TGFBR2: variants seen among roughly 807,000 people sequenced by gnomAD.
TGFBR2 encodes transforming growth factor beta receptor 2, also known as TGF-beta receptor type-2.
A neutral mutation model predicts 49.0 loss-of-function variants in TGFBR2; 18 were observed. That is an observed-to-expected ratio of 0.37 (90% CI 0.25 to 0.54). The LOEUF is 0.54. TGFBR2 is among the 20% of genes least tolerant of loss of function. The pLI is 0.85. For synonymous variants in TGFBR2, 282 were observed against 275.9 expected, an observed-to-expected ratio of 1.02 and a Z score of -0.22; for missense variants, 525 against 722.6, an observed-to-expected ratio of 0.73 and a Z score of 3.13.
chr3:30,629,633 C>T (rs1195460346), intron 1 of TGFBR2, among the ~76,000 whole-genome samples: 1 of 152,114 alleles, frequency 6.6e-6, no homozygotes, highest in Non-Finnish European at 1.5e-5. Flanking sequence ...TGAAACTTGG[C>T]TTTGGAGGAC....
In TGFBR2 at chr3:30,691,513, G is replaced by A. The variant is rs1699709688; in HGVS notation, c.1618G>A (p.Glu540Lys). The A allele has an allele frequency of 6.2e-7, 1 of 1,614,142 alleles. No homozygotes were observed. The highest frequency in any genetic ancestry group is 8.5e-7 in the Non-Finnish European group (1 of 1,179,998). ...CCAGTGTGTGGCAGAACGCTTCAGT[G>A]AGCTGGAGCATCTGGACAGGCTCTC... The part of the protein sequence containing the change: ...TAQCVAERFS[E>K]LEHLDRLSGR... Residue 540 changes from glutamate to lysine, a missense_variant, in exon 7 of 7, where the codon GAG becomes AAG. Glu to Lys is a moderately conservative substitution (Grantham distance 56). Around this residue, in one of 3 missense-constraint regions of TGFBR2, gnomAD observed 104 missense variants for 133.4 expected, o/e 0.78. Transcript: ENST00000295754.
chr3:30,638,076 A>C (rs776377132), intron 1 of TGFBR2, among the ~76,000 whole-genome samples: 3 of 152,238 alleles, frequency 2.0e-5, no homozygotes, highest in Non-Finnish European at 4.4e-5. Context: ...ACTTGTTAGC[A>C]ATGAGGTTGA....
chr3:30,608,966 A>C (rs537250094), intron 1 of TGFBR2, among the ~76,000 whole-genome samples: 8 of 152,356 alleles, frequency 5.3e-5, no homozygotes, highest in Middle Eastern at 3.4e-3. Flanking sequence ...TGATGTTGTT[A>C]GTTAGGTTCT....
chr3:30,624,856 A>AT (rs1449199179), intron 1 of TGFBR2, among the ~76,000 whole-genome samples: 2 of 151,646 alleles, frequency 1.3e-5, no homozygotes, highest in African/African-American at 4.8e-5. Flanking sequence ...CTTCAGGGTG[A>AT]TTTTTCCAGT....
chr3:30,671,823 G>A lies in TGFBR2; in HGVS notation c.640G>A (p.Glu214Lys), dbSNP rs764821003. The change falls in exon 4 of 7, where the codon GAG becomes AAG. Residue 214 changes from glutamate (E) to lysine (K), a missense_variant. Glu to Lys is a moderately conservative substitution (Grantham distance 56). Coordinates refer to ENST00000295754, the MANE Select transcript of TGFBR2 (RefSeq NM_003242.6). ...GACGCGGAAGCTCATGGAGTTCAGCGAGCACTGTGCCATCATCCTGGAAGA... is the reference window on the plus strand; with the variant it reads ...GACGCGGAAGCTCATGGAGTTCAGCAAGCACTGTGCCATCATCCTGGAAGA... ...GKTRKLMEFS[E>K]HCAIILEDDR... 2.5e-6 allele frequency: 4 copies of A among 1,614,070 alleles called. No homozygotes were observed. Among genetic ancestry groups the A allele is most frequent in the East Asian group, 2.2e-5 (1 of 44,884 alleles).
At chr3:30,647,049 G>C (rs1264958024) in intron 2 of TGFBR2, among the ~76,000 whole-genome samples, 1 of 152,104 alleles carries the variant, frequency 6.6e-6, no homozygotes. Context: ...AATGAGAAGG[G>C]GAAGTATAGG....
Position 30,693,871 on chromosome 3 carries a change from G to A in TGFBR2, c.*2272G>A. On this transcript the variant is annotated 3_prime_UTR_variant, in exon 7 of 7. Coordinates refer to ENST00000295754, the MANE Select transcript of TGFBR2 (RefSeq NM_003242.6). ...TTCTTATTCAAGAAAAAAGACCAAGGAATAACATTCTGTAGTTCCTAAAAA... is the reference window on the plus strand; with the variant it reads ...TTCTTATTCAAGAAAAAAGACCAAGAAATAACATTCTGTAGTTCCTAAAAA... 1 of 232,324 alleles carries A rather than the reference G, an allele frequency of 4.3e-6. No homozygotes were observed. Among genetic ancestry groups the A allele is most frequent in the Non-Finnish European group, 8.5e-6 (1 of 117,290 alleles). The allele number at this position is 232,324 out of a possible 1,614,324, so 14.4% of individuals were successfully genotyped here.
At chr3:30,629,309 A>T (rs1453055252) in intron 1 of TGFBR2, among the ~76,000 whole-genome samples, 1 of 152,158 alleles carries the variant, frequency 6.6e-6, no homozygotes, top group Admixed American at 6.5e-5. Flanking sequence ...CTCTATCTAG[A>T]TTATGCCCTT....
At chr3:30,648,762 C>T (rs1698824180) in intron 2 of TGFBR2, among the ~76,000 whole-genome samples, 1 of 152,106 alleles carries the variant, frequency 6.6e-6, no homozygotes, top group African/African-American at 2.4e-5. Context: ...GACACATGTA[C>T]CTCCACTGGA....
At chr3:30,666,268 T>C (rs1172805149) in intron 3 of TGFBR2, among the ~76,000 whole-genome samples, 4 of 152,198 alleles carry the variant, frequency 2.6e-5, no homozygotes, top group Non-Finnish European at 4.4e-5. Flanking sequence ...ATGTTATTAC[T>C]ATTCATGGAA....
intron 5 of TGFBR2, among the ~76,000 whole-genome samples, chr3:30,675,480 G>A (rs17026216): frequency 0.033 from 5,024 of 150,882 alleles, 350 homozygotes; most frequent in East Asian, 0.31. Flanking sequence ...TCTGCCTCCC[G>A]GGTTCAAGCA....
chr3:30,620,248 T>G (rs901870810), intron 1 of TGFBR2, among the ~76,000 whole-genome samples: 2 of 152,190 alleles, frequency 1.3e-5, no homozygotes, highest in African/African-American at 4.8e-5. Flanking sequence ...GAGAAACTTC[T>G]GTCTGATTTT....
intron 1 of TGFBR2, among the ~76,000 whole-genome samples, chr3:30,615,198 T>C (rs1468226605): frequency 6.6e-6 from 1 of 152,136 alleles, no homozygotes; most frequent in Non-Finnish European, 1.5e-5. Context: ...ATGCATCAAA[T>C]ATGTTGAGGA....
At position 30,693,396 on chromosome 3, in the gene TGFBR2, A is replaced by C. The variant is rs1251056880; in HGVS notation, c.*1797A>C. On this transcript the variant is annotated 3_prime_UTR_variant, in exon 7 of 7. Transcript: ENST00000295754. ...CTCCATAGGAAACTTGTTAATCAACAAAGAAGTGTTAATGCTGCAAGTAAT... is the reference window on the plus strand; with the variant it reads ...CTCCATAGGAAACTTGTTAATCAACCAAGAAGTGTTAATGCTGCAAGTAAT... The C allele has an allele frequency of 4.3e-6, 1 of 233,666 alleles. No homozygotes were observed. The highest frequency in any genetic ancestry group is 6.0e-5 in the East Asian group (1 of 16,718). 14.5% of individuals were successfully genotyped at this position (233,666 alleles called of 1,614,324 possible). A position where few individuals can be genotyped will look rare whatever the true frequency, so the allele number is the denominator to read the frequency against.
Position 30,665,597 on chromosome 3 carries a change from C to T in TGFBR2, c.455-6041C>T, listed in dbSNP as rs574661617. Among the ~76,000 whole-genome samples the T allele has an allele frequency of 2.0e-5, 3 of 152,302 alleles. No individual in the cohort carries two copies. In the South Asian group the frequency reaches 6.2e-4, roughly 32 times the overall value. On this transcript the variant is annotated intron_variant, in intron 3 of 6. Transcript: ENST00000295754. ...ACTCCACAGAAGCTCCGACAGCATC[C>T]ACAGTTGTCCATGTGCAGCACAACA...
chr3:30,631,036 C>CT lies in TGFBR2; in HGVS notation c.95-13689dup, dbSNP rs34649868. Among the ~76,000 whole-genome samples the CT allele has an allele frequency of 1.8e-3, 215 of 120,866 alleles. 1 individual carries two copies. The highest frequency in any genetic ancestry group is 3.5e-3 in the South Asian group (13 of 3,710). 79.3% of individuals were successfully genotyped at this position (120,866 alleles called of 152,430 possible). A position where few individuals can be genotyped will look rare whatever the true frequency, so the allele number is the denominator to read the frequency against. ...TTGCTAGGACTTGGAAAGGAGTAGC[C>CT]TTTTTTTTTTTTTTTTTTTTTTAAA... is the stretch of plus-strand genomic sequence containing the variant. On this transcript the variant is annotated intron_variant, in intron 1 of 6. Transcript: ENST00000295754.
chr3:30,629,532 T>A lies in TGFBR2; in HGVS notation c.95-15215T>A, dbSNP rs75707903. On this transcript the variant is annotated intron_variant, in intron 1 of 6. Transcript: ENST00000295754. ...TGGCCTCAACATGTCCTTTTTTCTC[T>A]GTGACTATATCCTTATTCTTTATCC... Among the ~76,000 whole-genome samples, 87 of 152,360 alleles carry A rather than the reference T, an allele frequency of 5.7e-4. 1 individual carries two copies. The highest frequency in any genetic ancestry group is 1.9e-3 in the African/African-American group (79 of 41,582).
intron 1 of TGFBR2, among the ~76,000 whole-genome samples, chr3:30,641,050 AC>A (rs1698634612): frequency 6.6e-6 from 1 of 152,030 alleles, no homozygotes; most frequent in South Asian, 2.1e-4. Context: ...AATGACTGTT[AC>A]CCTTCCCTCC....
At chr3:30,669,757 C>T (rs1699306473) in intron 3 of TGFBR2, among the ~76,000 whole-genome samples, 1 of 152,216 alleles carries the variant, frequency 6.6e-6, no homozygotes, top group South Asian at 2.1e-4. Flanking sequence ...TCCCAGCTTG[C>T]CTGTCTATGT....
Sources: allele counts gnomAD v4.1 joint callset (sites outside exome capture counted in the v4.1 genomes callset), GRCh38; gene constraint gnomAD v4.1.1; regional missense constraint gnomAD v4.1.1; transcripts MANE v1.5; gene names NCBI Gene and HGNC (gene_info 2026-07-23, HGNC 2026-07-21).